Variants in RAB3A observed in about 807,000 individuals in gnomAD.
RAB3A encodes the protein ras-related protein Rab-3A.
Under a neutral mutation model 19.7 loss-of-function variants are expected in RAB3A, and 5 were observed. That is an observed-to-expected ratio of 0.25 (90% CI 0.13 to 0.53). The LOEUF (loss-of-function observed/expected upper bound fraction) is 0.53. Among genes scored for constraint, RAB3A ranks in the 20% least tolerant of loss-of-function variants. RAB3A has a pLI of 0.95. For missense variants in RAB3A, 189 were observed against 305.6 expected (o/e 0.62, Z 2.85); for synonymous variants, 119 against 122.1 (o/e 0.97, Z 0.17).
At chr19:18,200,055 C>G (rs1249304799) in intron 3 of RAB3A, among the ~76,000 whole-genome samples, 1 of 152,016 alleles carries the variant, frequency 6.6e-6, no homozygotes, top group Non-Finnish European at 1.5e-5. Context: ...CCAAGGTGGG[C>G]AGATCACTTG....
intron 3 of RAB3A, among the ~76,000 whole-genome samples, chr19:18,200,032 G>A (rs1221602736): frequency 2.0e-5 from 3 of 152,156 alleles, no homozygotes; most frequent in African/African-American, 4.8e-5. Flanking sequence ...TGTAATCCCA[G>A]CACTTTGGGA....
intron 3 of RAB3A, among the ~76,000 whole-genome samples, chr19:18,199,950 T>C (rs1280042124): frequency 6.6e-6 from 1 of 152,212 alleles, no homozygotes; most frequent in African/African-American, 2.4e-5. Flanking sequence ...TTTATTATTT[T>C]TTGAAGAAAG....
At position 18,197,542 on chromosome 19, in the gene RAB3A, C is replaced by T. The variant is rs535411285; in HGVS notation, c.591G>A (p.Ala197=). ...MSESLDTADP[A]VTGAKQGPQL... is the part of the protein sequence containing the mutation. The stretch of plus-strand genomic sequence containing the variant: ...GTGGGCCCTGCTTGGCGCCTGTGAC[C>T]GCAGGGTCCGCCGTGTCCAACGACT... Residue 197 remains alanine (A), a synonymous_variant, in exon 5 of 5, where the codon GCG becomes GCA. Transcript: ENST00000222256. 48 of 1,613,726 alleles carry T rather than the reference C, an allele frequency of 3.0e-5. No homozygotes were observed. The highest frequency in any genetic ancestry group is 1.1e-4 in the African/African-American group (8 of 75,004).
At position 18,198,749 on chromosome 19, in the gene RAB3A, C is replaced by A; in HGVS notation, c.448G>T (p.Gly150Cys). Residue 150 changes from glycine to cysteine, a missense_variant, in exon 4 of 5, where the codon GGC (glycine) becomes TGC (cysteine). By Grantham distance (159) the Gly-to-Cys change is radical (BLOSUM62 -3). Transcript: ENST00000222256. ...CCAAGGTGGTCAGCTAGCTGCCGGC[C>A]ACGTTCTGATGACACCACCCGCTCA... ...EDERVVSSER[G>C]RQLADHLGFE... The A allele has an allele frequency of 6.2e-7, 1 of 1,614,164 alleles. No individual in the cohort carries two copies. Among genetic ancestry groups the A allele is most frequent in the Admixed American group, 1.7e-5 (1 of 60,016 alleles).
chr19:18,197,177 G>A lies in RAB3A; in HGVS notation c.*293C>T, dbSNP rs1161078065. On this transcript the variant is annotated 3_prime_UTR_variant, in exon 5 of 5. Transcript: ENST00000222256. Reference sequence around the variant, plus strand: ...GGGGTGAATTTTAAAAAAAGGCGGGGGGGGGGGGTTCAGGAGGGTGAGCGG... The same window carrying A: ...GGGGTGAATTTTAAAAAAAGGCGGGAGGGGGGGGTTCAGGAGGGTGAGCGG... The A allele has an allele frequency of 3.5e-5, 9 of 258,806 alleles. No individual in the cohort carries two copies. The highest frequency in any genetic ancestry group is 1.8e-4 in the African/African-American group (5 of 28,244). The allele number at this position is 258,806 out of a possible 1,614,324, so 16.0% of individuals were successfully genotyped here. A position where few individuals can be genotyped will look rare whatever the true frequency, so the allele number is the denominator to read the frequency against.
chr19:18,202,381 G>A lies in RAB3A; in HGVS notation c.228+132C>T, dbSNP rs557870854. The A allele has an allele frequency of 2.7e-4, 209 of 775,394 alleles. No homozygotes were observed. Among genetic ancestry groups the A allele is most frequent in the Non-Finnish European group, 4.2e-4 (199 of 470,686 alleles). 48.0% of individuals were successfully genotyped at this position (775,394 alleles called of 1,614,324 possible). A position where few individuals can be genotyped will look rare whatever the true frequency, so the allele number is the denominator to read the frequency against. ...CTGTTTCTGCCCCGGTACACAGTGGGCACCTTACTGATAAATGCCCAGTGT... is the reference window on the plus strand; with the variant it reads ...CTGTTTCTGCCCCGGTACACAGTGGACACCTTACTGATAAATGCCCAGTGT... On this transcript the variant is annotated intron_variant, in intron 2 of 4. Coordinates refer to ENST00000222256, the MANE Select transcript of RAB3A (RefSeq NM_002866.5). This position sits in a 1 kb window ranked among gnomAD's most constrained non-coding sequence, Gnocchi z 4.2.
At position 18,198,419 on chromosome 19, in the gene RAB3A, T is replaced by C. The variant is rs556428189; in HGVS notation, c.472+306A>G. Among the ~76,000 whole-genome samples the C allele has an allele frequency of 7.9e-5, 12 of 152,302 alleles. 1 individual carries two copies. Among genetic ancestry groups the C allele is most frequent in the African/African-American group, 2.9e-4 (12 of 41,572 alleles). On this transcript the variant is annotated intron_variant, in intron 4 of 4. Transcript: ENST00000222256. ...TCCAGGAAGCCTGGCTCCTCTCATG[T>C]GCTCCTCCCATCCAGGTCCCTCCCT...
intron 3 of RAB3A, among the ~76,000 whole-genome samples, chr19:18,199,545 GAC>G (rs1232853667): frequency 7.0e-6 from 1 of 143,346 alleles, no homozygotes; most frequent in Non-Finnish European, 1.5e-5. Context: ...TTTTTTTTGA[GAC>G]AGAGTTTTGC....
intron 3 of RAB3A, 69 bp from the exon 4 acceptor site, chr19:18,198,918 T>G: frequency 6.4e-7 from 1 of 1,561,190 alleles, no homozygotes; most frequent in African/African-American, 1.4e-5. Context: ...CGGGCTGATG[T>G]GGAGCCTGTG....
At position 18,197,148 on chromosome 19, in the gene RAB3A, G is replaced by A. The variant is rs1009845565; in HGVS notation, c.*322C>T. ...CCCCTCTTCACAACTGACAACTGTG[G>A]ATGGGGGTGAATTTTAAAAAAAGGC... On this transcript the variant is annotated 3_prime_UTR_variant, in exon 5 of 5. Transcript: ENST00000222256. 1 of 322,624 alleles carries A rather than the reference G, an allele frequency of 3.1e-6. No homozygotes were observed. Among genetic ancestry groups the A allele is most frequent in the Non-Finnish European group, 5.6e-6 (1 of 179,370 alleles). The allele number at this position is 322,624 out of a possible 1,614,324, so 20.0% of individuals were successfully genotyped here. A position where few individuals can be genotyped will look rare whatever the true frequency, so the allele number is the denominator to read the frequency against.
At chr19:18,203,259 A>C (rs1967640225) in intron 1 of RAB3A, among the ~76,000 whole-genome samples, 1 of 152,196 alleles carries the variant, frequency 6.6e-6, no homozygotes, top group South Asian at 2.1e-4. Flanking sequence ...CACAGCCTCA[A>C]ACACGCTCAT....
chr19:18,203,138 C>G (rs532889514), intron 1 of RAB3A, among the ~76,000 whole-genome samples: 3 of 152,164 alleles, frequency 2.0e-5, no homozygotes, highest in African/African-American at 7.2e-5. Flanking sequence ...CATGGTCCCT[C>G]GAGGACGCGC....
At chr19:18,198,673 C>G (rs879591613) in intron 4 of RAB3A, 52 bp downstream of exon 4, 8 of 1,608,496 alleles carry the variant, frequency 5.0e-6, no homozygotes, top group Non-Finnish European at 4.2e-6. Flanking sequence ...CCTCCCCTCT[C>G]TTAGTGTCCT....
intron 3 of RAB3A, among the ~76,000 whole-genome samples, chr19:18,199,813 C>T (rs373375743): frequency 2.0e-5 from 3 of 152,058 alleles, no homozygotes; most frequent in South Asian, 4.2e-4. Context: ...TGTGAGCCAC[C>T]GTGCCCGGCC....
At chr19:18,200,061 A>C (rs998624401) in intron 3 of RAB3A, among the ~76,000 whole-genome samples, 1 of 151,972 alleles carries the variant, frequency 6.6e-6, no homozygotes, top group African/African-American at 2.4e-5. Context: ...TGGGCAGATC[A>C]CTTGAGCCAA....
intron 2 of RAB3A, among the ~76,000 whole-genome samples, chr19:18,200,951 G>A (rs1478469197): frequency 1.3e-5 from 2 of 150,518 alleles, no homozygotes; most frequent in Non-Finnish European, 3.0e-5. Flanking sequence ...CAAACAGGGG[G>A]TCGGGTGTGG....
In RAB3A at chr19:18,201,157, C is replaced by T. The variant is rs544668891; in HGVS notation, c.229-712G>A. ...GGCTGAGGCAGGAGAATCGCTTGAA[C>T]TCAGGAGACAGAGGTTGCAGTGAGC... On this transcript the variant is annotated intron_variant, in intron 2 of 4. Transcript: ENST00000222256. 1.1e-4 allele frequency among the ~76,000 whole-genome samples: 16 copies of T among 150,666 alleles called. No homozygotes were observed. The East Asian group carries it at 2.7e-3, about 26-fold the overall frequency.
At chr19:18,203,368 C>A (rs1211835058) in intron 1 of RAB3A, among the ~76,000 whole-genome samples, 3 of 152,224 alleles carry the variant, frequency 2.0e-5, no homozygotes, top group Non-Finnish European at 4.4e-5. Context: ...TGCAAACCAC[C>A]CGTGCGCACA....
At chr19:18,197,728 C>T in intron 4 of RAB3A, 68 bp from the exon 5 acceptor site, 3 of 1,394,876 alleles carry the variant, frequency 2.2e-6, no homozygotes, top group Non-Finnish European at 2.9e-6. Flanking sequence ...AGATGCTTCT[C>T]TGAGGAAAGG....
Sources: allele counts gnomAD v4.1 joint callset (sites outside exome capture counted in the v4.1 genomes callset), GRCh38; gene constraint gnomAD v4.1.1; non-coding constraint Gnocchi (gnomAD v3.1); transcripts MANE v1.5; gene names NCBI Gene and HGNC (gene_info 2026-07-23, HGNC 2026-07-21).